NAV2: variants seen among roughly 807,000 people sequenced by gnomAD.
The protein encoded by NAV2 is helicase, APC down-regulated 1.
A neutral mutation model predicts 223.2 loss-of-function variants in NAV2; 54 were observed. The ratio of observed to expected loss-of-function variants is 0.24; its 90% CI spans 0.19 to 0.30. The LOEUF is 0.30. NAV2 is among the 10% of genes least tolerant of loss of function. The pLI is 1.00. For missense variants in NAV2, 2,806 were observed against 3,147.5 expected (o/e 0.89, Z 2.60); for synonymous variants, 1,279 against 1,239.3 (o/e 1.03, Z -0.67).
chr11:19,405,471 G>A (rs1334016787), intron 1 of NAV2, among the ~76,000 whole-genome samples: 2 of 152,150 alleles, frequency 1.3e-5, no homozygotes, highest in Non-Finnish European at 2.9e-5. Flanking sequence ...CGCAGTCAGG[G>A]CTGTATTTAT....
chr11:19,436,950 GT>G (rs1468391822), intron 1 of NAV2, among the ~76,000 whole-genome samples: 4 of 152,048 alleles, frequency 2.6e-5, no homozygotes, highest in Non-Finnish European at 5.9e-5. Flanking sequence ...ACTTTACTAA[GT>G]TCTTTTATAA....
intron 1 of NAV2, among the ~76,000 whole-genome samples, chr11:19,422,438 G>T (rs1850655110): frequency 6.6e-6 from 1 of 152,160 alleles, no homozygotes; most frequent in South Asian, 2.1e-4. Flanking sequence ...AGCAATTAGG[G>T]GCTGAAAGAA....
chr11:20,027,162 C>A, intron 11 of NAV2: 3 of 646,856 alleles, frequency 4.6e-6, no homozygotes, highest in African/African-American at 2.0e-5. Flanking sequence ...CCCGAGAAAA[C>A]CTCCTGGGGA....
chr11:19,484,764 GAA>G (rs1447721196), intron 1 of NAV2, among the ~76,000 whole-genome samples: 2 of 152,258 alleles, frequency 1.3e-5, no homozygotes, highest in African/African-American at 4.8e-5. Context: ...GTCAGGCAGA[GAA>G]AGTGTTGATG....
intron 1 of NAV2, among the ~76,000 whole-genome samples, chr11:19,464,285 G>A (rs1309316487): frequency 6.6e-6 from 1 of 152,140 alleles, no homozygotes; most frequent in Non-Finnish European, 1.5e-5. Flanking sequence ...CTATTGTGAG[G>A]GGCTGGGGCC....
At chr11:19,553,316 T>G (rs2044749632) in intron 1 of NAV2, among the ~76,000 whole-genome samples, 1 of 152,218 alleles carries the variant, frequency 6.6e-6, no homozygotes, top group Non-Finnish European at 1.5e-5. Flanking sequence ...CTTGTTAATT[T>G]CATCGTCTTG....
chr11:20,105,161 T>C, intron 34 of NAV2: 1 of 174,730 alleles, frequency 5.7e-6, no homozygotes. Context: ...GCACCGGGCC[T>C]GACATCAAGC....
chr11:19,679,404 C>T (rs2048814596), intron 1 of NAV2, among the ~76,000 whole-genome samples: 1 of 95,970 alleles, frequency 1.0e-5, no homozygotes. Flanking sequence ...GCACTCCAGC[C>T]TGGGCAACAG....
intron 1 of NAV2, among the ~76,000 whole-genome samples, chr11:19,616,589 G>A (rs2046801657): frequency 6.6e-6 from 1 of 152,012 alleles, no homozygotes; most frequent in South Asian, 2.1e-4. Flanking sequence ...GAGCACCCAG[G>A]CTGGCGAGCT....
chr11:19,409,807 G>A (rs1486084218), intron 1 of NAV2, among the ~76,000 whole-genome samples: 1 of 152,164 alleles, frequency 6.6e-6, no homozygotes, highest in Non-Finnish European at 1.5e-5. Flanking sequence ...CAGGTCACAC[G>A]AATCTTCTGT....
chr11:20,049,139 C>T lies in NAV2; in HGVS notation c.4314C>T (p.Asp1438=), dbSNP rs141898114. 1.1e-4 allele frequency: 177 copies of T among 1,613,204 alleles called. No individual in the cohort carries two copies. In the East Asian group the frequency reaches 1.7e-3, roughly 16 times the overall value. The change falls in exon 15 of 38, where the codon GAC becomes GAT. Residue 1438 remains aspartate (D), a synonymous_variant. Coordinates refer to ENST00000349880, the MANE Select transcript of NAV2 (RefSeq NM_145117.5). ...SSTGLIASSK[D]DSLTPFVRTN... ...CTGGCCTCATCGCCTCCTCCAAGGA[C>T]GACTCCTTGACTCCCTTTGTCAGAA...
chr11:19,901,207 G>A (rs889202838), intron 6 of NAV2, among the ~76,000 whole-genome samples: 2 of 152,170 alleles, frequency 1.3e-5, no homozygotes, highest in African/African-American at 4.8e-5. Flanking sequence ...AGGCACTGGA[G>A]CTTGAGAACC....
At chr11:20,024,104 C>A (rs569203505) in intron 11 of NAV2, among the ~76,000 whole-genome samples, 1 of 152,232 alleles carries the variant, frequency 6.6e-6, no homozygotes, top group Admixed American at 6.5e-5. Flanking sequence ...AATGGTTTTA[C>A]CTGTTAATTT....
In NAV2 at chr11:19,765,394, C is replaced by CTT. The variant is rs55675008; in HGVS notation, c.267+51432_267+51433insTT. Among the ~76,000 whole-genome samples, 368 of 150,086 alleles carry CTT rather than the reference C, an allele frequency of 2.5e-3. 4 individuals carry two copies. Among genetic ancestry groups the CTT allele is most frequent in the African/African-American group, 8.7e-3 (352 of 40,542 alleles). On this transcript the variant is annotated intron_variant, in intron 1 of 37. Transcript: ENST00000349880. ...CTTCCCTTCTTTCCTTCCTTCCTTC[C>CTT]CTCCCTCCCTCTCTCCCTCTCTCCC...
chr11:19,790,113 C>G lies in NAV2; in HGVS notation c.268-42371C>G, dbSNP rs563627038. Reference sequence around the variant, plus strand: ...GCCTCGGATGCTATCTTGTGGGCGGCTCTCATGCTCCCGGCTGCATGCTGT... The same window carrying G: ...GCCTCGGATGCTATCTTGTGGGCGGGTCTCATGCTCCCGGCTGCATGCTGT... On this transcript the variant is annotated intron_variant, in intron 1 of 37. Coordinates refer to ENST00000349880, the MANE Select transcript of NAV2 (RefSeq NM_145117.5). Among the ~76,000 whole-genome samples the G allele has an allele frequency of 1.4e-3, 216 of 152,292 alleles. 1 individual carries two copies. Among genetic ancestry groups the G allele is most frequent in the African/African-American group, 5.1e-3 (212 of 41,544 alleles).
At chr11:20,085,110 C>A (rs988902328) in intron 26 of NAV2, among the ~76,000 whole-genome samples, 1 of 151,652 alleles carries the variant, frequency 6.6e-6, no homozygotes, top group East Asian at 1.9e-4. Context: ...AGGAGGGTCA[C>A]TTGAGCCCAG....
At chr11:19,543,211 C>T (rs1347166150) in intron 1 of NAV2, among the ~76,000 whole-genome samples, 3 of 152,200 alleles carry the variant, frequency 2.0e-5, no homozygotes, top group East Asian at 1.9e-4. Flanking sequence ...TGATTAACCT[C>T]GTAGAAGCTC....
At chr11:19,502,668 G>A (rs1028407000) in intron 1 of NAV2, 2 of 152,146 alleles carry the variant, frequency 1.3e-5, no homozygotes, top group Non-Finnish European at 2.9e-5. Flanking sequence ...CCAAAATTTA[G>A]TAGTTTAAGA....
intron 1 of NAV2, among the ~76,000 whole-genome samples, chr11:19,692,583 T>A (rs1043199179): frequency 6.6e-6 from 1 of 152,184 alleles, no homozygotes; most frequent in Non-Finnish European, 1.5e-5. Context: ...TTGGATTGAG[T>A]TTTTCCTACC....
Sources: gnomAD v4.1 joint callset for allele counts (sites outside exome capture counted in the v4.1 genomes callset) on GRCh38, gnomAD v4.1.1 for gene constraint, MANE v1.5 for transcripts, NCBI Gene and HGNC (gene_info 2026-07-23, HGNC 2026-07-21) for gene names.